Variants in TMEM248 observed in about 807,000 individuals in gnomAD.
TMEM248 encodes the protein transmembrane protein 248, also known as UPF0458 protein C7orf42.
TMEM248 carries 9 observed loss-of-function variants against 30.3 expected under a neutral mutation model. That is an observed-to-expected ratio of 0.30 (90% CI 0.18 to 0.52). The LOEUF (loss-of-function observed/expected upper bound fraction) is 0.52, where lower values mean the gene tolerates loss of function less well. Among genes scored for constraint, TMEM248 ranks in the 20% least tolerant of loss-of-function variants. The pLI is 0.97. For missense variants in TMEM248, 338 were observed against 403.3 expected, an observed-to-expected ratio of 0.84 and a Z score of 1.39; for synonymous variants, 184 against 154.4, an observed-to-expected ratio of 1.19 and a Z score of -1.42.
intron 5 of TMEM248, among the ~76,000 whole-genome samples, chr7:66,952,397 T>G (rs1792288588): frequency 6.6e-6 from 1 of 152,232 alleles, no homozygotes; most frequent in Non-Finnish European, 1.5e-5. Flanking sequence ...GGGGCTCATT[T>G]GTAGGCCAGG....
chr7:66,929,539 C>T (rs1049428048), intron 1 of TMEM248, among the ~76,000 whole-genome samples: 10 of 148,358 alleles, frequency 6.7e-5, no homozygotes, highest in Non-Finnish European at 1.5e-4. Flanking sequence ...CGGGTTCAAG[C>T]GATTCTCCTG....
chr7:66,942,429 T>C (rs1461943447), intron 2 of TMEM248, among the ~76,000 whole-genome samples: 4 of 152,248 alleles, frequency 2.6e-5, no homozygotes, highest in Non-Finnish European at 5.9e-5. Context: ...GCTATACTAA[T>C]GGTTTTTTTC....
chr7:66,929,288 G>A (rs538970353), intron 1 of TMEM248, among the ~76,000 whole-genome samples: 1 of 152,170 alleles, frequency 6.6e-6, no homozygotes, highest in Admixed American at 6.6e-5. Context: ...CACAATAGGT[G>A]CAAAACTCTT....
chr7:66,956,057 A>G lies in TMEM248; in HGVS notation c.*535A>G, dbSNP rs1792395957. ...ATACCTTTTTCTCCATTTTGCTTGC[A>G]GGAAACATACCTTAAGTTTTTTTTG... On this transcript the variant is annotated 3_prime_UTR_variant, in exon 7 of 7. Transcript: ENST00000341567. 1 of 152,896 alleles carries G rather than the reference A, an allele frequency of 6.5e-6. No homozygotes were observed. Among genetic ancestry groups the G allele is most frequent in the African/African-American group, 2.4e-5 (1 of 41,466 alleles). The allele number at this position is 152,896 out of a possible 1,614,324, so 9.5% of individuals were successfully genotyped here. A position where few individuals can be genotyped will look rare whatever the true frequency, so the allele number is the denominator to read the frequency against.
intron 1 of TMEM248, among the ~76,000 whole-genome samples, chr7:66,937,842 C>G (rs987654065): frequency 4.6e-5 from 7 of 152,100 alleles, no homozygotes; most frequent in African/African-American, 1.7e-4. Flanking sequence ...TCCCGAGTAG[C>G]TGGGATTATA....
At position 66,930,376 on chromosome 7, in the gene TMEM248, C is replaced by G. The variant is rs532053649; in HGVS notation, c.-19+8915C>G. Among the ~76,000 whole-genome samples, 17 of 152,274 alleles carry G rather than the reference C, an allele frequency of 1.1e-4. No individual in the cohort carries two copies. The South Asian group carries it at 3.5e-3, about 32-fold the overall frequency. On this transcript the variant is annotated intron_variant, in intron 1 of 6. Coordinates refer to ENST00000341567, the MANE Select transcript of TMEM248 (RefSeq NM_017994.5). ...TGTCCCCCTTGAGCAGAGGCCCCAG[C>G]TGGAACTTGGGAACACCAGCTTTTG...
At chr7:66,944,012 C>T (rs1792031786) in intron 2 of TMEM248, among the ~76,000 whole-genome samples, 1 of 151,692 alleles carries the variant, frequency 6.6e-6, no homozygotes, top group Admixed American at 6.6e-5. Flanking sequence ...CCATGCTGGT[C>T]TCGAACTCCT....
chr7:66,946,353 G>A (rs1252008117), intron 3 of TMEM248, among the ~76,000 whole-genome samples: 1 of 151,998 alleles, frequency 6.6e-6, no homozygotes, highest in African/African-American at 2.4e-5. Context: ...CGAGGTGGGT[G>A]GATCACTTGA....
intron 2 of TMEM248, among the ~76,000 whole-genome samples, chr7:66,944,056 A>G (rs1792033027): frequency 6.6e-6 from 1 of 150,518 alleles, no homozygotes; most frequent in African/African-American, 2.4e-5. Context: ...TGGCCTCCCA[A>G]AGTGCTGGGA....
chr7:66,929,976 A>G (rs1782757212), intron 1 of TMEM248, among the ~76,000 whole-genome samples: 1 of 152,132 alleles, frequency 6.6e-6, no homozygotes. Flanking sequence ...CCTGGGCAAC[A>G]TGGCAAAATC....
At chr7:66,942,103 T>C in intron 2 of TMEM248, 79 bp downstream of exon 2, 1 of 1,468,032 alleles carries the variant, frequency 6.8e-7, no homozygotes, top group Non-Finnish European at 9.2e-7. Context: ...CCATATAGCT[T>C]TCTTGGGTTT....
chr7:66,927,840 A>C (rs1400914194), intron 1 of TMEM248, among the ~76,000 whole-genome samples: 1 of 152,172 alleles, frequency 6.6e-6, no homozygotes, highest in African/African-American at 2.4e-5. Context: ...ACAAGACACT[A>C]TTGGCAGAAG....
chr7:66,948,693 G>A lies in TMEM248; in HGVS notation c.595G>A (p.Val199Ile), dbSNP rs141192385. 30 of 1,603,144 alleles carry A rather than the reference G, an allele frequency of 1.9e-5. No homozygotes were observed. Among genetic ancestry groups the A allele is most frequent in the Middle Eastern group, 3.4e-4 (2 of 5,908 alleles). ...CAGCCCTGGGGTGTTCCCCGTCACT[G>A]TGTAAGTGTACCCGGCACCTGATGA... is the stretch of plus-strand genomic sequence containing the variant. ...TASPGVFPVT[V>I]QPPHCVPDTY... is the part of the protein sequence containing the mutation. Residue 199 changes from valine to isoleucine, a missense_variant and splice_region_variant, in exon 4 of 7, where the codon GTA becomes ATA. By Grantham distance (29) the Val-to-Ile change is conservative. Coordinates refer to ENST00000341567, the MANE Select transcript of TMEM248 (RefSeq NM_017994.5).
chr7:66,955,809 A>G lies in TMEM248; in HGVS notation c.*287A>G, dbSNP rs1473929499. Reference sequence around the variant, plus strand: ...GGACGTTTCCACGTGTCTCTAGAGAAGGATTCCTGGATCTAGCTGGTCACG... The same window carrying G: ...GGACGTTTCCACGTGTCTCTAGAGAGGGATTCCTGGATCTAGCTGGTCACG... On this transcript the variant is annotated 3_prime_UTR_variant, in exon 7 of 7. Transcript: ENST00000341567. 10 of 416,558 alleles carry G rather than the reference A, an allele frequency of 2.4e-5. No homozygotes were observed. In the South Asian group the frequency reaches 3.5e-4, roughly 15 times the overall value. The allele number at this position is 416,558 out of a possible 1,614,324, so 25.8% of individuals were successfully genotyped here.
intron 2 of TMEM248, among the ~76,000 whole-genome samples, chr7:66,943,538 CT>C (rs1326426404): frequency 7.2e-5 from 11 of 152,168 alleles, no homozygotes; most frequent in Admixed American, 1.3e-4. Context: ...GAACTTAATG[CT>C]GATTTTACCT....
intron 1 of TMEM248, among the ~76,000 whole-genome samples, chr7:66,923,612 G>A (rs1777747154): frequency 6.6e-6 from 1 of 152,184 alleles, no homozygotes; most frequent in Admixed American, 6.5e-5. Flanking sequence ...CTAGTTAAGG[G>A]TTAAATGCTT....
At chr7:66,938,999 A>G (rs769135652) in intron 1 of TMEM248, among the ~76,000 whole-genome samples, 6 of 152,266 alleles carry the variant, frequency 3.9e-5, no homozygotes, top group Non-Finnish European at 8.8e-5. Flanking sequence ...CAGTTCAGTT[A>G]AGATTGGGCC....
In TMEM248 at chr7:66,955,844, T is replaced by C; in HGVS notation, c.*322T>C. Reference sequence around the variant, plus strand: ...GATCTAGCTGGTCACGACGATGTTTTCACCAAGGTCACAGGAGCATTGCGT... The same window carrying C: ...GATCTAGCTGGTCACGACGATGTTTCCACCAAGGTCACAGGAGCATTGCGT... On this transcript the variant is annotated 3_prime_UTR_variant, in exon 7 of 7. Coordinates refer to ENST00000341567, the MANE Select transcript of TMEM248 (RefSeq NM_017994.5). The C allele has an allele frequency of 3.0e-6, 1 of 329,056 alleles. No individual in the cohort carries two copies. The highest frequency in any genetic ancestry group is 5.5e-6 in the Non-Finnish European group (1 of 181,668). 20.4% of individuals were successfully genotyped at this position (329,056 alleles called of 1,614,324 possible).
chr7:66,932,626 C>T (rs1474063445), intron 1 of TMEM248, among the ~76,000 whole-genome samples: 2 of 146,600 alleles, frequency 1.4e-5, no homozygotes, highest in African/African-American at 4.9e-5. Context: ...AGCAATTCTC[C>T]TGTCTCAGCC....
Sources: allele counts gnomAD v4.1 joint callset (sites outside exome capture counted in the v4.1 genomes callset), GRCh38; gene constraint gnomAD v4.1.1; transcripts MANE v1.5; gene names NCBI Gene and HGNC (gene_info 2026-07-23, HGNC 2026-07-21).